PHF14: variants seen among roughly 807,000 people sequenced by gnomAD.
PHF14 encodes PHD finger protein 14.
A neutral mutation model predicts 117.9 loss-of-function variants in PHF14; 55 were observed. That is an observed-to-expected ratio of 0.47 (90% CI 0.38 to 0.58). The LOEUF (loss-of-function observed/expected upper bound fraction) is 0.58, where lower values mean the gene tolerates loss of function less well. PHF14 is among the 20% of genes least tolerant of loss of function. The pLI is 0.00. For synonymous variants in PHF14, 409 were observed against 368.6 expected (o/e 1.11, Z -1.26); for missense variants, 978 against 1,122.2 (o/e 0.87, Z 1.84).
At chr7:10,974,753 T>C in intron 1 of PHF14, 82 bp from the exon 2 acceptor site, 1 of 741,028 alleles carries the variant, frequency 1.3e-6, no homozygotes, top group Non-Finnish European at 2.3e-6. Context: ...TGCGAGGTCA[T>C]CTTTATGTTC....
rs954243119 is a variant in PHF14 at position 11,130,217 on chromosome 7, A to G, written c.2772+18750A>G. Among the ~76,000 whole-genome samples the G allele has an allele frequency of 2.6e-5, 4 of 151,976 alleles. No individual in the cohort carries two copies. The highest frequency in any genetic ancestry group is 1.3e-4 in the Admixed American group (2 of 15,214). ...CTTTTAAAATCATATCTGGAATTTG[A>G]TACATATCACTCCAGGCCACATTCC... On this transcript the variant is annotated intron_variant, in intron 17 of 17. Coordinates refer to ENST00000634607, the MANE Select transcript of PHF14 (RefSeq NM_001007157.2). The surrounding 1 kb of genome is among the most constrained non-coding windows in gnomAD (Gnocchi z 4.2).
At chr7:11,074,075 T>C (rs919891559) in intron 16 of PHF14, among the ~76,000 whole-genome samples, 9 of 152,204 alleles carry the variant, frequency 5.9e-5, no homozygotes, top group African/African-American at 2.2e-4. Flanking sequence ...ATCTCCAAAA[T>C]GCGTTCAATG....
At chr7:11,160,684 T>C (rs1302481409) in intron 17 of PHF14, among the ~76,000 whole-genome samples, 1 of 152,228 alleles carries the variant, frequency 6.6e-6, no homozygotes, top group Non-Finnish European at 1.5e-5. Flanking sequence ...TGTTGAGCAT[T>C]TTTTCATATG....
chr7:11,078,651 C>A (rs889399393), intron 16 of PHF14, among the ~76,000 whole-genome samples: 1 of 152,138 alleles, frequency 6.6e-6, no homozygotes, highest in Non-Finnish European at 1.5e-5. Context: ...GAATAAGCCT[C>A]TCACCCAACA....
intron 16 of PHF14, chr7:11,063,586 G>C: frequency 1.0e-6 from 1 of 963,612 alleles, no homozygotes; most frequent in Non-Finnish European, 1.2e-6. Flanking sequence ...TATCTACTGT[G>C]TCTTACTAAT....
intron 17 of PHF14, among the ~76,000 whole-genome samples, chr7:11,168,541 T>C (rs900726641): frequency 1.3e-5 from 2 of 152,222 alleles, no homozygotes; most frequent in African/African-American, 4.8e-5. Context: ...TTTGATGATA[T>C]TGATGATTAT....
intron 16 of PHF14, among the ~76,000 whole-genome samples, chr7:11,096,556 C>A (rs1217088248): frequency 6.6e-6 from 1 of 151,996 alleles, no homozygotes; most frequent in South Asian, 2.1e-4. Context: ...TATTTCATAT[C>A]GTATGTTGCT....
chr7:11,120,898 C>A (rs966270502), intron 17 of PHF14, among the ~76,000 whole-genome samples: 1 of 152,036 alleles, frequency 6.6e-6, no homozygotes. Context: ...TTACTGACGA[C>A]ATATTTTAGT....
intron 17 of PHF14, among the ~76,000 whole-genome samples, chr7:11,132,176 C>T (rs1788108788): frequency 6.6e-6 from 1 of 151,670 alleles, no homozygotes; most frequent in East Asian, 1.9e-4. Flanking sequence ...CTGTAGCCCT[C>T]ATATTGTATA....
chr7:11,110,654 C>A, intron 16 of PHF14: 1 of 275,218 alleles, frequency 3.6e-6, no homozygotes, highest in Non-Finnish European at 5.0e-6. Context: ...ACCAAACGGT[C>A]TGAAGAAAGT....
At chr7:11,027,465 T>A (rs1783964340) in intron 6 of PHF14, among the ~76,000 whole-genome samples, 1 of 152,128 alleles carries the variant, frequency 6.6e-6, no homozygotes, top group Non-Finnish European at 1.5e-5. Context: ...TCTTTTTCTT[T>A]TATGAAGATT....
intron 3 of PHF14, among the ~76,000 whole-genome samples, chr7:10,983,960 A>G (rs1472553792): frequency 1.3e-5 from 2 of 152,122 alleles, no homozygotes; most frequent in Admixed American, 1.3e-4. Flanking sequence ...GTTTTTGTAT[A>G]TGTTTTTCTT....
At chr7:11,119,089 T>TA (rs1037049634) in intron 17 of PHF14, among the ~76,000 whole-genome samples, 3 of 151,888 alleles carry the variant, frequency 2.0e-5, no homozygotes, top group Admixed American at 6.6e-5. Flanking sequence ...CTGGTGCATT[T>TA]ACATAGCATG....
chr7:11,076,167 G>A (rs932711896), intron 16 of PHF14, among the ~76,000 whole-genome samples: 2 of 152,192 alleles, frequency 1.3e-5, no homozygotes, highest in Non-Finnish European at 2.9e-5. Context: ...GAGATTCAGA[G>A]TTAGGCAGTC....
chr7:11,062,965 A>G, intron 16 of PHF14: 1 of 925,098 alleles, frequency 1.1e-6, no homozygotes, highest in Non-Finnish European at 1.3e-6. Context: ...ACAGAAATTA[A>G]ACATTTCAAA....
chr7:11,014,457 G>T (rs534399957), intron 5 of PHF14, among the ~76,000 whole-genome samples: 43 of 152,274 alleles, frequency 2.8e-4, no homozygotes, highest in African/African-American at 9.9e-4. Context: ...CTAGGTTGGG[G>T]TTCAGGCTTT....
At chr7:11,040,980 G>C (rs1784486370) in intron 12 of PHF14, among the ~76,000 whole-genome samples, 1 of 151,808 alleles carries the variant, frequency 6.6e-6, no homozygotes, top group South Asian at 2.1e-4. Flanking sequence ...TAAACTCTAT[G>C]GAAATGAGCA....
intron 13 of PHF14, among the ~76,000 whole-genome samples, chr7:11,044,796 C>T (rs951789216): frequency 2.6e-5 from 4 of 152,034 alleles, no homozygotes; most frequent in African/African-American, 9.7e-5. Flanking sequence ...AAATGATAAA[C>T]GCAGGTTGAG....
intron 16 of PHF14, chr7:11,102,439 A>G (rs758084505): frequency 6.3e-7 from 1 of 1,595,838 alleles, no homozygotes; most frequent in Non-Finnish European, 8.6e-7. Context: ...CAGAGCTGCT[A>G]TGATCTTTAA....
Sources: allele counts gnomAD v4.1 joint callset (sites outside exome capture counted in the v4.1 genomes callset), GRCh38; gene constraint gnomAD v4.1.1; non-coding constraint Gnocchi (gnomAD v3.1); transcripts MANE v1.5; gene names NCBI Gene and HGNC (gene_info 2026-07-23, HGNC 2026-07-21).